The following UNC5D variants were observed in gnomAD, a reference collection of about 807,000 sequenced individuals.
The protein encoded by UNC5D is netrin receptor UNC5D.
UNC5D carries 39 observed loss-of-function variants against 105.4 expected under a neutral mutation model. The observed-to-expected ratio is 0.37, with a 90% CI of 0.29 to 0.48. The LOEUF is 0.48. Ranked by LOEUF, UNC5D falls within the 20% of genes least tolerant of loss-of-function variation. The probability of loss-of-function intolerance (pLI) is 0.98; values close to 1 mark genes in which losing one functional copy is unlikely to be tolerated. For synonymous variants in UNC5D, 452 were observed against 450.4 expected (o/e 1.00, Z -0.04); for missense variants, 991 against 1,202.4 (o/e 0.82, Z 2.60).
chr8:35,297,117 T>C (rs137875443), intron 1 of UNC5D, among the ~76,000 whole-genome samples: 138 of 152,268 alleles, frequency 9.1e-4, no homozygotes, highest in African/African-American at 3.2e-3. Flanking sequence ...TACCACAGGG[T>C]TCACCTCAGC....
chr8:35,392,402 A>G (rs1803830894), intron 1 of UNC5D, among the ~76,000 whole-genome samples: 1 of 152,146 alleles, frequency 6.6e-6, no homozygotes, highest in Admixed American at 6.5e-5. Flanking sequence ...ATCCTTTTGT[A>G]GAGACAAGAT....
At chr8:35,443,701 A>G (rs1052564784) in intron 1 of UNC5D, among the ~76,000 whole-genome samples, 32 of 152,130 alleles carry the variant, frequency 2.1e-4, no homozygotes, top group African/African-American at 7.7e-4. Context: ...TAAATGTACA[A>G]GACTATTTTG....
At chr8:35,500,423 G>A (rs1046271278) in intron 1 of UNC5D, among the ~76,000 whole-genome samples, 2 of 152,242 alleles carry the variant, frequency 1.3e-5, no homozygotes, top group South Asian at 4.2e-4. Context: ...ACTTTTGGGG[G>A]CTACATTTAA....
chr8:35,516,128 T>A (rs28706915), intron 1 of UNC5D, among the ~76,000 whole-genome samples: 1,906 of 152,282 alleles, frequency 0.013, 54 homozygotes, highest in African/African-American at 0.044. Context: ...CCAGCACAAA[T>A]TCCACTTTCT....
At chr8:35,498,103 A>C (rs1463956405) in intron 1 of UNC5D, among the ~76,000 whole-genome samples, 8 of 146,822 alleles carry the variant, frequency 5.4e-5, no homozygotes, top group African/African-American at 2.1e-4. Flanking sequence ...AAAAAAAAAA[A>C]AAAAAAAAGC....
At chr8:35,755,989 C>A (rs1474790883) in intron 13 of UNC5D, among the ~76,000 whole-genome samples, 1 of 152,106 alleles carries the variant, frequency 6.6e-6, no homozygotes, top group African/African-American at 2.4e-5. Context: ...CAGGCCTAGC[C>A]CCCCAGAGTA....
At chr8:35,472,433 G>A (rs1031885621) in intron 1 of UNC5D, among the ~76,000 whole-genome samples, 1 of 151,960 alleles carries the variant, frequency 6.6e-6, no homozygotes, top group East Asian at 1.9e-4. Flanking sequence ...CAAAAAAAAA[G>A]CCTATTCAGA....
At chr8:35,402,756 T>C (rs531895052) in intron 1 of UNC5D, among the ~76,000 whole-genome samples, 5 of 152,290 alleles carry the variant, frequency 3.3e-5, no homozygotes, top group African/African-American at 1.2e-4. Context: ...CTGACCATCC[T>C]TACTAACCTT....
At chr8:35,272,315 C>T (rs537126021) in intron 1 of UNC5D, among the ~76,000 whole-genome samples, 83 of 152,144 alleles carry the variant, frequency 5.5e-4, no homozygotes, top group Non-Finnish European at 1.1e-3. Context: ...GGTTGGGTTC[C>T]CCTGGGATGT....
chr8:35,670,885 A>ATCTTTTT (rs1824750100), intron 4 of UNC5D, among the ~76,000 whole-genome samples: 1 of 152,156 alleles, frequency 6.6e-6, no homozygotes. Flanking sequence ...AAGATGGCAG[A>ATCTTTTT]ATTTTGAATA....
chr8:35,721,567 A>G, intron 8 of UNC5D: 1 of 701,686 alleles, frequency 1.4e-6, no homozygotes. Context: ...AACATCTGCC[A>G]TGGACTTAAC....
chr8:35,544,462 A>C, intron 1 of UNC5D: 1 of 1,613,832 alleles, frequency 6.2e-7, no homozygotes, highest in Non-Finnish European at 8.5e-7. Flanking sequence ...TCCTGGTGTT[A>C]GTTAAAGCTC....
chr8:35,543,703 T>G (rs1488906650), intron 1 of UNC5D, among the ~76,000 whole-genome samples: 1 of 152,202 alleles, frequency 6.6e-6, no homozygotes, highest in Non-Finnish European at 1.5e-5. Flanking sequence ...CAGTTAAATA[T>G]AGTTGGTAGA....
chr8:35,250,697 A>ATGT (rs1803634511), intron 1 of UNC5D, among the ~76,000 whole-genome samples: 2 of 152,046 alleles, frequency 1.3e-5, no homozygotes, highest in Non-Finnish European at 2.9e-5. Flanking sequence ...GGGTTTCACC[A>ATGT]TGTTGACCAG....
intron 2 of UNC5D, among the ~76,000 whole-genome samples, chr8:35,567,533 C>T (rs1285458432): frequency 6.6e-6 from 1 of 152,080 alleles, no homozygotes; most frequent in Non-Finnish European, 1.5e-5. Context: ...TCTTTGTGCT[C>T]ATTCCTTCTT....
intron 11 of UNC5D, among the ~76,000 whole-genome samples, chr8:35,746,920 G>A (rs55702691): frequency 1.3e-5 from 2 of 151,978 alleles, no homozygotes; most frequent in African/African-American, 4.8e-5. Flanking sequence ...GAATTTTATG[G>A]TTTTTTTCCC....
chr8:35,352,011 C>T (rs149396040), intron 1 of UNC5D, among the ~76,000 whole-genome samples: 50 of 151,964 alleles, frequency 3.3e-4, no homozygotes, highest in Non-Finnish European at 6.3e-4. Flanking sequence ...TTTTAAAAAA[C>T]GTTCAAAGAA....
intron 4 of UNC5D, among the ~76,000 whole-genome samples, chr8:35,643,859 T>C (rs1290647256): frequency 6.6e-6 from 1 of 152,102 alleles, no homozygotes; most frequent in Non-Finnish European, 1.5e-5. Flanking sequence ...AAACTAGAGG[T>C]ATGATTAAAA....
At chr8:35,527,285 T>A (rs1341165544) in intron 1 of UNC5D, among the ~76,000 whole-genome samples, 3 of 152,214 alleles carry the variant, frequency 2.0e-5, no homozygotes, top group Non-Finnish European at 2.9e-5. Flanking sequence ...ATAATAATCA[T>A]TGTATTCCAG....
Sources: allele counts gnomAD v4.1 joint callset (sites outside exome capture counted in the v4.1 genomes callset), GRCh38; gene constraint gnomAD v4.1.1; transcripts MANE v1.5; gene names NCBI Gene and HGNC (gene_info 2026-07-23, HGNC 2026-07-21).